Variants in GPC5 observed in about 807,000 individuals in gnomAD.
GPC5 encodes the protein glypican-5.
Under a neutral mutation model 53.9 loss-of-function variants are expected in GPC5, and 47 were observed. That is an observed-to-expected ratio of 0.87 (90% confidence interval 0.69 to 1.11). The LOEUF (loss-of-function observed/expected upper bound fraction) is 1.11. GPC5 is among the 50% of genes most tolerant of loss of function. The pLI, the probability that GPC5 is intolerant of heterozygous loss-of-function variation, is 0.00. For missense variants in GPC5, 748 were observed against 713.1 expected (o/e 1.05, Z -0.56); for synonymous variants, 286 against 263.3 (o/e 1.09, Z -0.84).
At chr13:91,611,611 T>G (rs187352180) in intron 2 of GPC5, among the ~76,000 whole-genome samples, 61 of 152,330 alleles carry the variant, frequency 4.0e-4, no homozygotes, top group African/African-American at 1.3e-3. Flanking sequence ...GCTTCTGATT[T>G]ATGTTCCAGT....
chr13:91,777,262 A>G (rs1284533238), intron 5 of GPC5, among the ~76,000 whole-genome samples: 2 of 152,322 alleles, frequency 1.3e-5, no homozygotes, highest in East Asian at 1.9e-4. Flanking sequence ...ATTGTTGCTT[A>G]TATCCTTTTT....
At chr13:92,710,883 T>TCA (rs1888114154) in intron 7 of GPC5, among the ~76,000 whole-genome samples, 2 of 152,212 alleles carry the variant, frequency 1.3e-5, no homozygotes, top group African/African-American at 4.8e-5. Context: ...CAATGATGAA[T>TCA]TTGTTGAAAA....
intron 2 of GPC5, among the ~76,000 whole-genome samples, chr13:91,464,874 G>A (rs1452198901): frequency 2.6e-5 from 4 of 152,024 alleles, no homozygotes; most frequent in African/African-American, 9.7e-5. Flanking sequence ...TTCTACCAAT[G>A]TCAGTTTCCT....
At chr13:91,431,562 A>G (rs570382956) in intron 1 of GPC5, among the ~76,000 whole-genome samples, 1 of 152,360 alleles carries the variant, frequency 6.6e-6, no homozygotes, top group South Asian at 2.1e-4. Context: ...CTAATTATAT[A>G]TAAAACACTC....
intron 2 of GPC5, among the ~76,000 whole-genome samples, chr13:91,538,496 T>G (rs761925847): frequency 3.9e-5 from 6 of 152,150 alleles, no homozygotes; most frequent in East Asian, 1.9e-4. Context: ...ACATGTAATA[T>G]TTTTTAGATG....
chr13:92,517,336 T>C (rs1880833841), intron 7 of GPC5, among the ~76,000 whole-genome samples: 1 of 151,824 alleles, frequency 6.6e-6, no homozygotes, highest in Non-Finnish European at 1.5e-5. Flanking sequence ...TTGAAGAGAG[T>C]AGTGTTTCTC....
At chr13:92,007,454 C>G (rs1175328702) in intron 6 of GPC5, among the ~76,000 whole-genome samples, 1 of 152,004 alleles carries the variant, frequency 6.6e-6, no homozygotes, top group Non-Finnish European at 1.5e-5. Flanking sequence ...TGAATTTGCC[C>G]TTTTGTCATT....
chr13:92,079,130 C>A (rs542123658), intron 6 of GPC5, among the ~76,000 whole-genome samples: 2 of 152,212 alleles, frequency 1.3e-5, no homozygotes, highest in Non-Finnish European at 2.9e-5. Context: ...TGGCTCACTG[C>A]AACCTCCGCC....
At chr13:92,067,886 GTTAATT>G (rs2138861189) in intron 6 of GPC5, among the ~76,000 whole-genome samples, 1 of 151,986 alleles carries the variant, frequency 6.6e-6, no homozygotes, top group South Asian at 2.1e-4. Context: ...ATTATCAGTA[GTTAATT>G]TTAAGACAAG....
intron 2 of GPC5, among the ~76,000 whole-genome samples, chr13:91,658,460 G>A (rs949946479): frequency 1.3e-5 from 2 of 151,934 alleles, no homozygotes; most frequent in African/African-American, 4.8e-5. Flanking sequence ...TAATTAATAA[G>A]GCCAACTAAT....
chr13:91,981,745 A>C (rs1294152343), intron 6 of GPC5, among the ~76,000 whole-genome samples: 1 of 152,248 alleles, frequency 6.6e-6, no homozygotes, highest in Non-Finnish European at 1.5e-5. Context: ...TGTGAAAGAC[A>C]TGTAACCAAG....
At chr13:92,472,974 T>C (rs1036767914) in intron 7 of GPC5, among the ~76,000 whole-genome samples, 1 of 152,116 alleles carries the variant, frequency 6.6e-6, no homozygotes, top group Non-Finnish European at 1.5e-5. Flanking sequence ...TAATTCTGTT[T>C]GGTATCTAAT....
At chr13:92,843,248 A>T (rs1021559446) in intron 7 of GPC5, among the ~76,000 whole-genome samples, 3 of 152,204 alleles carry the variant, frequency 2.0e-5, no homozygotes, top group Non-Finnish European at 4.4e-5. Flanking sequence ...CTTCTGCTTA[A>T]CCAGTGTACT....
chr13:91,481,537 G>A (rs1349346833), intron 2 of GPC5, among the ~76,000 whole-genome samples: 2 of 152,170 alleles, frequency 1.3e-5, no homozygotes, highest in Non-Finnish European at 2.9e-5. Flanking sequence ...GCTACCATGG[G>A]TTTGGGTTAA....
chr13:92,526,961 C>G (rs527407070), intron 7 of GPC5, among the ~76,000 whole-genome samples: 2 of 151,152 alleles, frequency 1.3e-5, no homozygotes, highest in South Asian at 4.2e-4. Flanking sequence ...AAGAAAGAAT[C>G]AAGAGATGTG....
chr13:92,203,538 G>C (rs2042310287), intron 7 of GPC5, among the ~76,000 whole-genome samples: 1 of 138,422 alleles, frequency 7.2e-6, no homozygotes, highest in African/African-American at 2.7e-5. Context: ...CCTAATGCTA[G>C]ATGACACATT....
intron 7 of GPC5, among the ~76,000 whole-genome samples, chr13:92,570,974 C>T (rs1883004762): frequency 6.6e-6 from 1 of 152,112 alleles, no homozygotes; most frequent in Non-Finnish European, 1.5e-5. Context: ...ATGTTTTTCT[C>T]CTCCTTCTTT....
chr13:91,663,579 T>C (rs1409612796), intron 2 of GPC5, among the ~76,000 whole-genome samples: 1 of 152,082 alleles, frequency 6.6e-6, no homozygotes, highest in Non-Finnish European at 1.5e-5. Flanking sequence ...TGCCTCAGCC[T>C]CTCGAGTAGC....
chr13:92,284,316 G>A (rs1280846151), intron 7 of GPC5, among the ~76,000 whole-genome samples: 1 of 152,198 alleles, frequency 6.6e-6, no homozygotes, highest in African/African-American at 2.4e-5. Flanking sequence ...GAGGTACAAG[G>A]AGGAGCTGGT....
Sources: allele counts gnomAD v4.1 joint callset (sites outside exome capture counted in the v4.1 genomes callset), GRCh38; gene constraint gnomAD v4.1.1; transcripts MANE v1.5; gene names NCBI Gene and HGNC (gene_info 2026-07-23, HGNC 2026-07-21).